Variants in TOP2B observed in about 807,000 individuals in gnomAD.
The protein encoded by TOP2B is DNA topoisomerase II beta.
A neutral mutation model predicts 193.5 loss-of-function variants in TOP2B; 51 were observed. The observed-to-expected ratio is 0.26, with a 90% CI of 0.21 to 0.33. TOP2B has a LOEUF of 0.33. TOP2B is among the 10% of genes least tolerant of loss of function. The probability of loss-of-function intolerance (pLI) is 1.00; values close to 1 mark genes in which losing one functional copy is unlikely to be tolerated. For missense variants in TOP2B, 1,378 were observed against 1,909.3 expected (o/e 0.72, Z 5.19); for synonymous variants, 634 against 635.7 (o/e 1.00, Z 0.04).
chr3:25,620,110 G>T, intron 22 of TOP2B, 48 bp from the exon 23 acceptor site: 1 of 1,188,586 alleles, frequency 8.4e-7, no homozygotes, highest in Non-Finnish European at 1.2e-6. Context: ...ACACTCTCAT[G>T]TTCTCATACT....
intron 33 of TOP2B, among the ~76,000 whole-genome samples, chr3:25,604,222 C>T (rs1702178688): frequency 6.6e-6 from 1 of 151,974 alleles, no homozygotes; most frequent in South Asian, 2.1e-4. Flanking sequence ...TTTTAAGTGT[C>T]ATCCTTCAAA....
chr3:25,625,680 A>G (rs1384968084), intron 18 of TOP2B, among the ~76,000 whole-genome samples: 1 of 152,074 alleles, frequency 6.6e-6, no homozygotes, highest in Non-Finnish European at 1.5e-5. Context: ...TCCTCTTCCA[A>G]TGTGGCCCAG....
chr3:25,662,182 AT>A (rs1703936575), intron 1 of TOP2B, among the ~76,000 whole-genome samples: 3 of 152,232 alleles, frequency 2.0e-5, no homozygotes, highest in South Asian at 2.1e-4. Context: ...ATGCAACCTT[AT>A]TTGACAGATA....
At chr3:25,607,632 T>A (rs375218434) in intron 30 of TOP2B, among the ~76,000 whole-genome samples, 1 of 152,242 alleles carries the variant, frequency 6.6e-6, no homozygotes, top group African/African-American at 2.4e-5. Flanking sequence ...AATGTACTTA[T>A]TGATATACTT....
chr3:25,652,304 C>T (rs1338238360), intron 1 of TOP2B, among the ~76,000 whole-genome samples: 1 of 152,174 alleles, frequency 6.6e-6, no homozygotes, highest in Non-Finnish European at 1.5e-5. Context: ...AGAACTTGAA[C>T]AACACTATAG....
At chr3:25,664,173 C>A (rs1704011437) in intron 1 of TOP2B, 56 bp downstream of exon 1, 1 of 1,535,628 alleles carries the variant, frequency 6.5e-7, no homozygotes, top group Non-Finnish European at 8.7e-7. Context: ...CGGAATTCCG[C>A]CCCCGCCGCG....
intron 32 of TOP2B, among the ~76,000 whole-genome samples, chr3:25,605,611 T>G (rs1410493068): frequency 6.6e-6 from 1 of 152,122 alleles, no homozygotes; most frequent in African/African-American, 2.4e-5. Flanking sequence ...TACACACTGA[T>G]TAAATTTGTT....
intron 27 of TOP2B, among the ~76,000 whole-genome samples, chr3:25,613,828 G>T (rs1702440199): frequency 6.6e-6 from 1 of 152,036 alleles, no homozygotes; most frequent in Admixed American, 6.6e-5. Flanking sequence ...GAGGAAAGTG[G>T]GTGTCTGAGA....
intron 35 of TOP2B, 46 bp from the exon 36 acceptor site, chr3:25,598,523 G>T: frequency 1.4e-6 from 2 of 1,453,278 alleles, no homozygotes; most frequent in South Asian, 1.4e-5. Context: ...AGGAAGTAAA[G>T]ACTAGTATTA....
rs1432570087 is a variant in TOP2B, at chr3:25,645,404, A to C, written c.136T>G (p.Ser46Ala). Residue 46 changes from serine to alanine, a missense_variant, in exon 2 of 36, where the codon TCA becomes GCA. By Grantham distance (99) the Ser-to-Ala change is moderately conservative. Around this residue, in one of 9 missense-constraint regions of TOP2B, gnomAD observed 83 missense variants for 59.3 expected, o/e 1.40. Transcript: ENST00000264331. ...ESETANKNDS[S>A]KKLSVERVYQ... The stretch of plus-strand genomic sequence containing the variant: ...ACTCTCTCAACAGACAACTTCTTTG[A>C]AGAATCATTTTTGTTGGCAGTTTCT... The C allele has an allele frequency of 1.2e-6, 2 of 1,613,882 alleles. No homozygotes were observed. Among genetic ancestry groups the C allele is most frequent in the East Asian group, 4.5e-5 (2 of 44,856 alleles).
intron 30 of TOP2B, among the ~76,000 whole-genome samples, chr3:25,608,827 T>C (rs1367198986): frequency 1.3e-5 from 2 of 152,174 alleles, no homozygotes; most frequent in Non-Finnish European, 2.9e-5. Context: ...AAATTTTTCA[T>C]GATATAAGGG....
chr3:25,632,782 C>T lies in TOP2B; in HGVS notation c.1039G>A (p.Val347Met), dbSNP rs372468052. The T allele has an allele frequency of 1.2e-6, 2 of 1,612,686 alleles. No homozygotes were observed. Among genetic ancestry groups the T allele is most frequent in the South Asian group, 1.1e-5 (1 of 90,930 alleles). Reference sequence around the variant, plus strand: ...ACAACTTGATCTACCACATAATCCACGTGCCGTCCACCCTAAAGAAAAAAA... The same window carrying T: ...ACAACTTGATCTACCACATAATCCATGTGCCGTCCACCCTAAAGAAAAAAA... ...SIATTKGGRH[V>M]DYVVDQVVGK... Residue 347 changes from valine (V) to methionine (M), a missense_variant, in exon 9 of 36, where the codon GTG becomes ATG. Coordinates refer to ENST00000264331, the MANE Select transcript of TOP2B (RefSeq NM_001330700.2).
chr3:25,664,319 G>T lies in TOP2B; in HGVS notation c.-22C>A. On this transcript the variant is annotated 5_prime_UTR_variant, in exon 1 of 36. The change creates a new upstream start codon in the 5' untranslated region. Coordinates refer to ENST00000264331, the MANE Select transcript of TOP2B (RefSeq NM_001330700.2). ...CCATGGCGAGTGCCTCCAGCTCACA[G>T]GCCCTGAGGCCGCAGCCGCCGCTCC... 2.0e-6 allele frequency: 3 copies of T among 1,475,038 alleles called. No individual in the cohort carries two copies. The highest frequency in any genetic ancestry group is 2.7e-6 in the Non-Finnish European group (3 of 1,121,532). 91.4% of individuals were successfully genotyped at this position (1,475,038 alleles called of 1,614,324 possible).
At chr3:25,601,005 T>C (rs1423042510) in intron 34 of TOP2B, 95 bp downstream of exon 34, 12 of 1,359,720 alleles carry the variant, frequency 8.8e-6, no homozygotes, top group South Asian at 5.8e-5. Context: ...TAAAACAAAA[T>C]AGATACCTAG....
At chr3:25,646,324 T>G (rs369060889) in intron 1 of TOP2B, among the ~76,000 whole-genome samples, 1 of 152,208 alleles carries the variant, frequency 6.6e-6, no homozygotes, top group Non-Finnish European at 1.5e-5. Flanking sequence ...CATTTGTAGA[T>G]CATGCCAATA....
chr3:25,664,434 G>A lies in TOP2B; in HGVS notation c.-137C>T. On this transcript the variant is annotated 5_prime_UTR_variant, in exon 1 of 36. Coordinates refer to ENST00000264331, the MANE Select transcript of TOP2B (RefSeq NM_001330700.2). Reference sequence around the variant, plus strand: ...GCCGCGCCGACCCCCGCGCCCCATCGCGAAGATCCGGAGCGGACGTCCAGC... The same window carrying A: ...GCCGCGCCGACCCCCGCGCCCCATCACGAAGATCCGGAGCGGACGTCCAGC... 7.9e-7 allele frequency: 1 copy of A among 1,262,930 alleles called. No individual in the cohort carries two copies. The highest frequency in any genetic ancestry group is 9.9e-7 in the Non-Finnish European group (1 of 1,008,478). 78.2% of individuals were successfully genotyped at this position (1,262,930 alleles called of 1,614,324 possible). A position where few individuals can be genotyped will look rare whatever the true frequency, so the allele number is the denominator to read the frequency against.
intron 32 of TOP2B, 31 bp from the exon 33 acceptor site, chr3:25,604,901 G>A (rs758937149): frequency 5.3e-6 from 8 of 1,514,136 alleles, no homozygotes; most frequent in Non-Finnish European, 6.4e-6. Flanking sequence ...TTTTAGTAAA[G>A]AGATGTTATA....
intron 10 of TOP2B, among the ~76,000 whole-genome samples, 152 bp downstream of exon 10, chr3:25,632,293 AG>A (rs1231595783): frequency 3.9e-5 from 6 of 152,084 alleles, no homozygotes; most frequent in African/African-American, 1.4e-4. Flanking sequence ...TACCCTTTAA[AG>A]TTATCAAATT....
chr3:25,654,422 A>T (rs1703686768), intron 1 of TOP2B, among the ~76,000 whole-genome samples: 1 of 152,194 alleles, frequency 6.6e-6, no homozygotes, highest in East Asian at 1.9e-4. Context: ...TGTTAAAAGA[A>T]ATGAAAAAAA....
Sources: gnomAD v4.1 joint callset for allele counts (sites outside exome capture counted in the v4.1 genomes callset) on GRCh38, gnomAD v4.1.1 for gene constraint, gnomAD v4.1.1 regional missense constraint, MANE v1.5 for transcripts, NCBI Gene and HGNC (gene_info 2026-07-23, HGNC 2026-07-21) for gene names.